NXPH1: variants seen among roughly 807,000 people sequenced by gnomAD.
NXPH1 encodes the protein neurexophilin 1.
A neutral mutation model predicts 23.7 loss-of-function variants in NXPH1; 5 were observed. The observed-to-expected ratio is 0.21, with a 90% CI of 0.11 to 0.44. The LOEUF is 0.44. Ranked by LOEUF, NXPH1 falls within the 20% of genes least tolerant of loss-of-function variation. The pLI is 0.99. For missense variants in NXPH1, 324 were observed against 321.6 expected, an observed-to-expected ratio of 1.01 and a Z score of -0.06; for synonymous variants, 144 against 122.2, an observed-to-expected ratio of 1.18 and a Z score of -1.18.
rs566705457 is a variant in NXPH1 at position 8,631,790 on chromosome 7, T to TCTATG, written c.55-119216_55-119215insATGCT. 2.9e-3 allele frequency among the ~76,000 whole-genome samples: 438 copies of TCTATG among 152,342 alleles called. 1 individual carries two copies. Among genetic ancestry groups the TCTATG allele is most frequent in the Non-Finnish European group, 5.4e-3 (368 of 68,026 alleles). On this transcript the variant is annotated intron_variant, in intron 2 of 2. Transcript: ENST00000405863. The stretch of plus-strand genomic sequence containing the variant: ...GTCAATCCATTTAATTCTATTCTAT[T>TCTATG]CTTTAATTTCTAACATTCTCTTATT...
chr7:8,659,006 T>TATATATA lies in NXPH1; in HGVS notation c.55-92002_55-92001insATATATA, dbSNP rs200623023. ...AAGAATATGTATATATATATATATATTTTTTTTTTTTTTTGCTAAAACAGA... is the reference window on the plus strand; with the variant it reads ...AAGAATATGTATATATATATATATATATATATATTTTTTTTTTTTTTGCTAAAACAGA... On this transcript the variant is annotated intron_variant, in intron 2 of 2. Coordinates refer to ENST00000405863, the MANE Select transcript of NXPH1 (RefSeq NM_152745.3). Among the ~76,000 whole-genome samples the TATATATA allele has an allele frequency of 7.9e-5, 5 of 63,106 alleles. 2 individuals are homozygous for TATATATA. Among genetic ancestry groups the TATATATA allele is most frequent in the African/African-American group, 2.2e-4 (4 of 17,928 alleles). 41.4% of individuals were successfully genotyped at this position (63,106 alleles called of 152,430 possible). A position where few individuals can be genotyped will look rare whatever the true frequency, so the allele number is the denominator to read the frequency against.
intron 2 of NXPH1, among the ~76,000 whole-genome samples, chr7:8,674,113 T>C (rs142618775): frequency 1.3e-5 from 2 of 152,134 alleles, no homozygotes; most frequent in Non-Finnish European, 2.9e-5. Flanking sequence ...ACATTTATTT[T>C]TTGTAAGGTA....
intron 2 of NXPH1, among the ~76,000 whole-genome samples, chr7:8,648,421 T>TCAAC (rs370871872): frequency 1.2e-3 from 187 of 151,842 alleles, no homozygotes; most frequent in Non-Finnish European, 2.2e-3. Context: ...TGATGTTTGT[T>TCAAC]TTTCTGTGTC....
chr7:8,509,174 C>G (rs923216281), intron 2 of NXPH1, among the ~76,000 whole-genome samples: 1 of 152,064 alleles, frequency 6.6e-6, no homozygotes, highest in Non-Finnish European at 1.5e-5. Flanking sequence ...TTGAGGTGAA[C>G]TGCAAAACTT....
intron 2 of NXPH1, among the ~76,000 whole-genome samples, chr7:8,521,243 C>A (rs1044854820): frequency 2.0e-5 from 3 of 152,180 alleles, no homozygotes; most frequent in African/African-American, 7.2e-5. Context: ...GCAGTTTAAA[C>A]CTGCTTGGCA....
At chr7:8,629,785 T>G (rs1342157832) in intron 2 of NXPH1, among the ~76,000 whole-genome samples, 1 of 152,162 alleles carries the variant, frequency 6.6e-6, no homozygotes, top group Non-Finnish European at 1.5e-5. Flanking sequence ...TAAAGCCTTG[T>G]GTGGGACTTT....
Position 8,640,158 on chromosome 7 carries a change from T to C in NXPH1, c.55-110850T>C, listed in dbSNP as rs112305195. Among the ~76,000 whole-genome samples the C allele has an allele frequency of 3.5e-3, 527 of 152,318 alleles. 4 individuals carry two copies. The highest frequency in any genetic ancestry group is 0.012 in the African/African-American group (487 of 41,584). Reference sequence around the variant, plus strand: ...TCCATAGGAATTATTACTATTTATGTCAGTGTACATCTTTTTCTGTAAGGC... The same window carrying C: ...TCCATAGGAATTATTACTATTTATGCCAGTGTACATCTTTTTCTGTAAGGC... On this transcript the variant is annotated intron_variant, in intron 2 of 2. Coordinates refer to ENST00000405863, the MANE Select transcript of NXPH1 (RefSeq NM_152745.3).
intron 2 of NXPH1, among the ~76,000 whole-genome samples, chr7:8,583,689 C>G (rs756992889): frequency 6.6e-6 from 1 of 152,020 alleles, no homozygotes; most frequent in Admixed American, 6.6e-5. Context: ...TGAACAGGGG[C>G]CGAGAGCAAC....
intron 2 of NXPH1, among the ~76,000 whole-genome samples, chr7:8,719,690 C>T (rs1223859502): frequency 3.3e-5 from 5 of 152,162 alleles, no homozygotes; most frequent in African/African-American, 1.2e-4. Context: ...TGCAGCCTGG[C>T]TCCAGAATCT....
intron 2 of NXPH1, among the ~76,000 whole-genome samples, chr7:8,507,676 G>T (rs1181134895): frequency 2.6e-5 from 4 of 152,098 alleles, no homozygotes; most frequent in African/African-American, 7.2e-5. Flanking sequence ...TCCTCAGAGT[G>T]CCTCTAGGGA....
chr7:8,590,070 A>T (rs979086042), intron 2 of NXPH1, among the ~76,000 whole-genome samples: 2 of 152,066 alleles, frequency 1.3e-5, no homozygotes, highest in African/African-American at 2.4e-5. Flanking sequence ...CCTGAAGTGA[A>T]CATGAACCTG....
intron 2 of NXPH1, among the ~76,000 whole-genome samples, chr7:8,630,877 A>G (rs779451280): frequency 9.2e-5 from 14 of 152,106 alleles, no homozygotes; most frequent in Non-Finnish European, 1.5e-4. Flanking sequence ...ATCACCAGGC[A>G]TTAAGCCTAG....
At chr7:8,548,448 A>G (rs1818228222) in intron 2 of NXPH1, among the ~76,000 whole-genome samples, 1 of 151,582 alleles carries the variant, frequency 6.6e-6, no homozygotes, top group African/African-American at 2.4e-5. Context: ...TCCAGATATC[A>G]AAACTCTTTG....
intron 2 of NXPH1, among the ~76,000 whole-genome samples, chr7:8,596,682 C>T (rs1174725600): frequency 2.0e-5 from 3 of 152,090 alleles, no homozygotes; most frequent in African/African-American, 7.2e-5. Context: ...TATATATTAT[C>T]ATGATCCTTA....
chr7:8,741,028 TC>T (rs1265682282), intron 2 of NXPH1, among the ~76,000 whole-genome samples: 3 of 152,218 alleles, frequency 2.0e-5, no homozygotes, highest in Non-Finnish European at 4.4e-5. Context: ...AATGTTTGTA[TC>T]CTTTAACAAA....
At chr7:8,655,571 T>C (rs1470751742) in intron 2 of NXPH1, among the ~76,000 whole-genome samples, 1 of 13,072 alleles carries the variant, frequency 7.6e-5, no homozygotes, top group Middle Eastern at 0.083. Flanking sequence ...TAAATGCATG[T>C]GTGTGTGTGT....
intron 2 of NXPH1, among the ~76,000 whole-genome samples, chr7:8,481,885 C>A (rs955274636): frequency 1.3e-5 from 2 of 152,120 alleles, no homozygotes. Context: ...ACTTCTGAGC[C>A]CTCTGGAGTT....
chr7:8,613,547 G>C (rs971916369), intron 2 of NXPH1, among the ~76,000 whole-genome samples: 4 of 151,912 alleles, frequency 2.6e-5, no homozygotes, highest in African/African-American at 9.7e-5. Context: ...ATCTTAAAAG[G>C]CTTAGGGAAA....
intron 2 of NXPH1, among the ~76,000 whole-genome samples, chr7:8,670,794 G>T (rs1336932895): frequency 6.6e-6 from 1 of 152,214 alleles, no homozygotes; most frequent in Non-Finnish European, 1.5e-5. Flanking sequence ...TATGTAGAGG[G>T]TTAGGGACAG....
Sources: allele counts gnomAD v4.1 joint callset (sites outside exome capture counted in the v4.1 genomes callset), GRCh38; gene constraint gnomAD v4.1.1; transcripts MANE v1.5; gene names NCBI Gene and HGNC (gene_info 2026-07-23, HGNC 2026-07-21).